Variants in LGI2 observed in about 807,000 individuals in gnomAD.
The protein encoded by LGI2 is leucine-rich repeat LGI family member 2.
LGI2 carries 30 observed loss-of-function variants against 52.0 expected under a neutral mutation model. The observed-to-expected ratio is 0.58, with a 90% CI of 0.43 to 0.78. The LOEUF is 0.78. LGI2 is among the 30% of genes least tolerant of loss of function. LGI2 has a pLI of 0.00. For synonymous variants in LGI2, 270 were observed against 271.8 expected, an observed-to-expected ratio of 0.99 and a Z score of 0.06; for missense variants, 573 against 692.5, an observed-to-expected ratio of 0.83 and a Z score of 1.94.
intron 4 of LGI2, among the ~76,000 whole-genome samples, chr4:25,021,948 A>AC (rs752610229): frequency 0.02 from 2,971 of 150,760 alleles, 98 homozygotes; most frequent in East Asian, 0.16. Flanking sequence ...AAAAAAAAAA[A>AC]ACAAAGCCAC....
intron 4 of LGI2, among the ~76,000 whole-genome samples, chr4:25,020,299 C>A (rs1437371741): frequency 6.6e-6 from 1 of 152,166 alleles, no homozygotes; most frequent in Non-Finnish European, 1.5e-5. Context: ...AGTCCACACC[C>A]CACCTCCAGG....
the LGI2 span, among the ~76,000 whole-genome samples, chr4:24,992,473 G>A: frequency 1.3e-5 from 2 of 152,164 alleles, no homozygotes; most frequent in African/African-American, 4.8e-5. Flanking sequence ...CAGCACTTTG[G>A]GGGGCTGAGG....
chr4:25,010,474 C>T (rs772686181), intron 7 of LGI2, among the ~76,000 whole-genome samples: 6 of 152,150 alleles, frequency 3.9e-5, no homozygotes, highest in Admixed American at 1.3e-4. Context: ...GAGAAGCGCC[C>T]GCTCTGTGCA....
At chr4:25,030,355 C>G (rs1726297318) in intron 1 of LGI2, 142 bp downstream of exon 1, 3 of 868,708 alleles carry the variant, frequency 3.5e-6, no homozygotes, top group East Asian at 2.9e-5. Context: ...CAACACTCCA[C>G]CCACGTCCCC....
intron 7 of LGI2, among the ~76,000 whole-genome samples, chr4:25,011,106 C>A (rs2192446): frequency 0.41 from 61,449 of 150,626 alleles, 13,195 homozygotes; most frequent in South Asian, 0.67. Flanking sequence ...TCAAAAAAAC[C>A]AAAAAACAGA....
chr4:24,997,133 T>C (rs1372315763), downstream of LGI2, among the ~76,000 whole-genome samples: 1 of 152,216 alleles, frequency 6.6e-6, no homozygotes, highest in African/African-American at 2.4e-5. Flanking sequence ...AAAAAAATCA[T>C]TTGTGCCAAT....
At chr4:25,021,913 A>G (rs1337707100) in intron 4 of LGI2, among the ~76,000 whole-genome samples, 1 of 143,578 alleles carries the variant, frequency 7.0e-6, no homozygotes, top group Non-Finnish European at 1.5e-5. Context: ...CCTAGGTAGC[A>G]GAGAGAGATT....
At chr4:25,022,709 T>C (rs1726012057) in intron 4 of LGI2, among the ~76,000 whole-genome samples, 1 of 152,210 alleles carries the variant, frequency 6.6e-6, no homozygotes, top group Admixed American at 6.5e-5. Flanking sequence ...CCGAGGACAC[T>C]TTGTACACCT....
Position 25,030,724 on chromosome 4 carries a change from A to G in LGI2, c.-31T>C, listed in dbSNP as rs987190357. On this transcript the variant is annotated 5_prime_UTR_variant, in exon 1 of 8. Coordinates refer to ENST00000382114, the MANE Select transcript of LGI2 (RefSeq NM_018176.4). ...GTCCCCGCTCCCCGCCCGGGCCCCG[A>G]CCCCCACCGCCGCGCCGCGCGCTCG... The G allele has an allele frequency of 6.8e-6, 8 of 1,171,268 alleles. No homozygotes were observed. Among genetic ancestry groups the G allele is most frequent in the African/African-American group, 1.7e-5 (1 of 60,564 alleles). 72.6% of individuals were successfully genotyped at this position (1,171,268 alleles called of 1,614,324 possible).
chr4:25,000,057 G>A lies in LGI2; in HGVS notation c.*3394C>T. On this transcript the variant is annotated 3_prime_UTR_variant, in exon 8 of 8. Coordinates refer to ENST00000382114, the MANE Select transcript of LGI2 (RefSeq NM_018176.4). Reference sequence around the variant, plus strand: ...TTTCTGGACCACTTTCAAGAGTGGGGCCTTGAATGTAAAAAGAGTGGGGCA... The same window carrying A: ...TTTCTGGACCACTTTCAAGAGTGGGACCTTGAATGTAAAAAGAGTGGGGCA... 1 of 293,718 alleles carries A rather than the reference G, an allele frequency of 3.4e-6. No homozygotes were observed. The highest frequency in any genetic ancestry group is 2.9e-5 in the South Asian group (1 of 34,686). The allele number at this position is 293,718 out of a possible 1,614,324, so 18.2% of individuals were successfully genotyped here.
chr4:25,011,421 C>T (rs1292964727), intron 7 of LGI2, among the ~76,000 whole-genome samples: 2 of 151,562 alleles, frequency 1.3e-5, no homozygotes, highest in Admixed American at 6.6e-5. Flanking sequence ...TCGGAGCATC[C>T]GTTGTACATC....
At chr4:25,025,730 C>T (rs1726124602) in intron 3 of LGI2, among the ~76,000 whole-genome samples, 1 of 152,212 alleles carries the variant, frequency 6.6e-6, no homozygotes, top group African/African-American at 2.4e-5. Flanking sequence ...TGAAACACAA[C>T]ATCATCAACG....
Position 25,004,266 on chromosome 4 carries a change from G to C in LGI2, c.823C>G (p.Gln275Glu), listed in dbSNP as rs1560287094. The C allele has an allele frequency of 1.2e-6, 2 of 1,607,410 alleles. No homozygotes were observed. Among genetic ancestry groups the C allele is most frequent in the Non-Finnish European group, 1.7e-6 (2 of 1,177,482 alleles). ...ATGGCCTTACAGCCCACGATGGACTGACCTGTGCTCCAAAATAAAGGAGAG... is the reference window on the plus strand; with the variant it reads ...ATGGCCTTACAGCCCACGATGGACTCACCTGTGCTCCAAAATAAAGGAGAG... ...NFRSYDNITG[Q>E]SIVGCKAILI... The change falls in exon 8 of 8, where the codon CAG becomes GAG. Residue 275 changes from glutamine to glutamate, a missense_variant and splice_region_variant. Physicochemically the swap from Gln to Glu is conservative, Grantham distance 29 (BLOSUM62 2). Transcript: ENST00000382114. This position sits in a 1 kb window ranked among gnomAD's most constrained non-coding sequence, Gnocchi z 4.6.
At chr4:24,992,598 G>A in the LGI2 span, among the ~76,000 whole-genome samples, 9 of 151,994 alleles carry the variant, frequency 5.9e-5, no homozygotes, top group East Asian at 1.2e-3. Flanking sequence ...CTGGAGAATC[G>A]CTTGAACTCA....
intron 2 of LGI2, among the ~76,000 whole-genome samples, chr4:25,027,572 T>C (rs190751947): frequency 3.8e-4 from 58 of 152,308 alleles, no homozygotes; most frequent in Middle Eastern, 3.4e-3. Context: ...GATTTTAAAA[T>C]GTTAAGTGTA....
chr4:25,023,629 C>T (rs902258503), intron 4 of LGI2, among the ~76,000 whole-genome samples: 22 of 152,214 alleles, frequency 1.4e-4, no homozygotes, highest in African/African-American at 4.8e-4. Flanking sequence ...GTCAGGGTTA[C>T]ACATGCTGAA....
downstream of LGI2, among the ~76,000 whole-genome samples, chr4:24,994,132 A>G (rs139547102): frequency 1.6e-3 from 245 of 152,328 alleles, 1 homozygote; most frequent in East Asian, 0.024. Flanking sequence ...GGGAGTGTGC[A>G]GAGAACAGAG....
intron 2 of LGI2, 53 bp downstream of exon 2, chr4:25,028,454 A>G (rs1374752473): frequency 1.2e-5 from 19 of 1,539,060 alleles, no homozygotes; most frequent in Admixed American, 1.7e-5. Context: ...ACGGCCCTCC[A>G]AGGATGGCAC....
intron 4 of LGI2, among the ~76,000 whole-genome samples, chr4:25,023,977 T>C (rs1043614996): frequency 5.3e-5 from 8 of 152,250 alleles, no homozygotes; most frequent in Non-Finnish European, 1.2e-4. Flanking sequence ...GAGAGCTTAG[T>C]TGAAACCACA....
Sources: gnomAD v4.1 joint callset for allele counts (sites outside exome capture counted in the v4.1 genomes callset) on GRCh38, gnomAD v4.1.1 for gene constraint, Gnocchi (gnomAD v3.1) non-coding constraint, MANE v1.5 for transcripts, NCBI Gene and HGNC (gene_info 2026-07-23, HGNC 2026-07-21) for gene names.